The following HMGA2 variants were observed in gnomAD, a reference collection of about 807,000 sequenced individuals.
HMGA2 encodes the protein high mobility group protein HMGI-C.
Under a neutral mutation model 19.1 loss-of-function variants are expected in HMGA2, and 8 were observed. That is an observed-to-expected ratio of 0.42 (90% CI 0.25 to 0.76). The LOEUF is 0.76. HMGA2 is among the 30% of genes least tolerant of loss of function. HMGA2 has a pLI of 0.28. For synonymous variants in HMGA2, 60 were observed against 48.8 expected, an observed-to-expected ratio of 1.23 and a Z score of -0.96; for missense variants, 109 against 136.3, an observed-to-expected ratio of 0.80 and a Z score of 1.00.
chr12:65,954,917 A>C (rs1876561605), intron 4 of HMGA2: 1 of 152,230 alleles, frequency 6.6e-6, no homozygotes, highest in Non-Finnish European at 1.5e-5. Flanking sequence ...AAATAAATAG[A>C]AATGAGGCTG....
In HMGA2 at chr12:65,898,005, G is replaced by T. The variant is rs75772868; in HGVS notation, c.250-53378G>T. On this transcript the variant is annotated intron_variant, in intron 3 of 4. Coordinates refer to ENST00000403681, the MANE Select transcript of HMGA2 (RefSeq NM_003483.6). Reference sequence around the variant, plus strand: ...AGTTAAATGATTCATCCATCGGAAGGGATAGCACAGTGCCCTCGTGTTTCC... The same window carrying T: ...AGTTAAATGATTCATCCATCGGAAGTGATAGCACAGTGCCCTCGTGTTTCC... 2.2e-3 allele frequency among the ~76,000 whole-genome samples: 328 copies of T among 152,108 alleles called. 8 individuals are homozygous for T. The East Asian group carries it at 0.05, about 23-fold the overall frequency.
intron 3 of HMGA2, among the ~76,000 whole-genome samples, chr12:65,894,328 C>G (rs1175624820): frequency 6.6e-6 from 1 of 152,052 alleles, no homozygotes; most frequent in African/African-American, 2.4e-5. Flanking sequence ...ATCTATTTTC[C>G]AAGCTCATTC....
At chr12:65,861,770 G>C (rs1045601529) in intron 3 of HMGA2, among the ~76,000 whole-genome samples, 1 of 150,690 alleles carries the variant, frequency 6.6e-6, no homozygotes, top group Non-Finnish European at 1.5e-5. Context: ...CTGTGAACTG[G>C]CTTTAAAGAT....
chr12:65,960,016 A>C (rs1486791910), intron 4 of HMGA2, among the ~76,000 whole-genome samples: 1 of 152,076 alleles, frequency 6.6e-6, no homozygotes, highest in Non-Finnish European at 1.5e-5. Context: ...CAGCCTCCCA[A>C]GTAGCTGGGA....
At chr12:65,870,129 A>G (rs1315193694) in intron 3 of HMGA2, among the ~76,000 whole-genome samples, 1 of 152,172 alleles carries the variant, frequency 6.6e-6, no homozygotes, top group Non-Finnish European at 1.5e-5. Flanking sequence ...AGTAAACACA[A>G]TATGGTCCTT....
Position 65,913,485 on chromosome 12 carries a change from G to T in HMGA2, c.250-37898G>T, listed in dbSNP as rs143383367. Among the ~76,000 whole-genome samples the T allele has an allele frequency of 7.9e-5, 12 of 152,190 alleles. No individual in the cohort carries two copies. In the East Asian group the frequency reaches 2.3e-3, roughly 29 times the overall value. The stretch of plus-strand genomic sequence containing the variant: ...TTCAGAGCCCATTTCAAAACAGCTG[G>T]TTACCATCCTTTAGGTTAGTCCTTC... On this transcript the variant is annotated intron_variant, in intron 3 of 4. Transcript: ENST00000403681.
intron 3 of HMGA2, among the ~76,000 whole-genome samples, chr12:65,884,023 G>A (rs955090047): frequency 6.6e-6 from 1 of 151,980 alleles, no homozygotes; most frequent in Non-Finnish European, 1.5e-5. Flanking sequence ...GCACCACCAC[G>A]CCCAGCTAAT....
intron 3 of HMGA2, among the ~76,000 whole-genome samples, chr12:65,896,679 T>C (rs574635719): frequency 1.3e-5 from 2 of 152,364 alleles, no homozygotes; most frequent in South Asian, 4.1e-4. Flanking sequence ...GCAAGGCCTT[T>C]GTTGAACATA....
At chr12:65,891,589 G>A (rs1443707778) in intron 3 of HMGA2, among the ~76,000 whole-genome samples, 2 of 152,194 alleles carry the variant, frequency 1.3e-5, no homozygotes, top group African/African-American at 2.4e-5. Flanking sequence ...ATGATGCACA[G>A]TGCTGGTTAA....
intron 3 of HMGA2, chr12:65,867,467 A>G (rs1463501746): frequency 4.4e-6 from 2 of 455,000 alleles, no homozygotes; most frequent in Non-Finnish European, 4.4e-6. Flanking sequence ...TTTTCCCTTA[A>G]TGAGTGTTTA....
intron 3 of HMGA2, among the ~76,000 whole-genome samples, chr12:65,942,082 A>T (rs1327348254): frequency 6.6e-6 from 1 of 152,196 alleles, no homozygotes; most frequent in African/African-American, 2.4e-5. Flanking sequence ...ACAAATTTGG[A>T]TATTAATTCT....
At chr12:65,915,381 C>A in intron 3 of HMGA2, 1 of 1,304,760 alleles carries the variant, frequency 7.7e-7, no homozygotes, top group Non-Finnish European at 9.8e-7. Context: ...ACTCTAGGCA[C>A]ATGCAGAGCC....
intron 3 of HMGA2, among the ~76,000 whole-genome samples, chr12:65,865,632 TC>T (rs1262237407): frequency 1.3e-5 from 2 of 150,590 alleles, no homozygotes; most frequent in Non-Finnish European, 3.0e-5. Context: ...CATCTATTTT[TC>T]TTTTTTTTTT....
chr12:65,938,369 A>G (rs1875968931), intron 3 of HMGA2, among the ~76,000 whole-genome samples: 1 of 152,226 alleles, frequency 6.6e-6, no homozygotes, highest in Non-Finnish European at 1.5e-5. Flanking sequence ...CCAAAAGCAT[A>G]CAGTAGGAAT....
intron 3 of HMGA2, among the ~76,000 whole-genome samples, chr12:65,897,223 T>C (rs754823091): frequency 6.6e-6 from 1 of 152,216 alleles, no homozygotes; most frequent in East Asian, 1.9e-4. Flanking sequence ...TTATCCTTTG[T>C]GTTGCAAACA....
At chr12:65,917,994 T>C (rs1455796714) in intron 3 of HMGA2, among the ~76,000 whole-genome samples, 11 of 152,206 alleles carry the variant, frequency 7.2e-5, no homozygotes, top group African/African-American at 2.4e-4. Flanking sequence ...CATCCAGTTT[T>C]GATAAGTCAA....
chr12:65,830,254 A>G (rs1463391971), intron 2 of HMGA2, among the ~76,000 whole-genome samples: 1 of 151,994 alleles, frequency 6.6e-6, no homozygotes, highest in Non-Finnish European at 1.5e-5. Context: ...TCACTTTCAA[A>G]TCAGAATTTG....
At chr12:65,838,392 AC>A (rs1289618270) in intron 2 of HMGA2, 126 bp from the exon 3 acceptor site, 581 of 692,818 alleles carry the variant, frequency 8.4e-4, no homozygotes, top group Admixed American at 2.8e-3. Flanking sequence ...GTTAAAAAAA[AC>A]AAAAAAAAAA....
At chr12:65,961,510 C>T (rs762122459) in intron 4 of HMGA2, among the ~76,000 whole-genome samples, 2 of 152,164 alleles carry the variant, frequency 1.3e-5, no homozygotes, top group Admixed American at 6.5e-5. Flanking sequence ...TAGCCTCATA[C>T]GTTCCACTTT....
Sources: gnomAD v4.1 joint callset for allele counts (sites outside exome capture counted in the v4.1 genomes callset) on GRCh38, gnomAD v4.1.1 for gene constraint, MANE v1.5 for transcripts, NCBI Gene and HGNC (gene_info 2026-07-23, HGNC 2026-07-21) for gene names.